Variants in TMEM131L observed in about 807,000 individuals in gnomAD.
The protein encoded by TMEM131L is transmembrane 131 like.
Under a neutral mutation model 192.2 loss-of-function variants are expected in TMEM131L, and 54 were observed. The observed-to-expected ratio is 0.28, with a 90% CI of 0.23 to 0.35. TMEM131L has a LOEUF of 0.35. Ranked by LOEUF, TMEM131L falls within the 10% of genes least tolerant of loss-of-function variation. The pLI is 1.00. For synonymous variants in TMEM131L, 701 were observed against 704.9 expected, an observed-to-expected ratio of 0.99 and a Z score of 0.09; for missense variants, 1,888 against 1,972.9, an observed-to-expected ratio of 0.96 and a Z score of 0.82.
At chr4:153,569,275 C>T (rs142366825) in intron 7 of TMEM131L, among the ~76,000 whole-genome samples, 1 of 152,192 alleles carries the variant, frequency 6.6e-6, no homozygotes, top group Non-Finnish European at 1.5e-5. Flanking sequence ...CCTTCTTGGA[C>T]CTGTTCCTCC....
intron 3 of TMEM131L, among the ~76,000 whole-genome samples, chr4:153,490,871 G>A (rs894521453): frequency 2.0e-5 from 3 of 150,550 alleles, no homozygotes; most frequent in African/African-American, 4.9e-5. Flanking sequence ...GGAGAATGGC[G>A]TGAACCCGGG....
At chr4:153,543,971 A>T (rs1580178108) in intron 3 of TMEM131L, among the ~76,000 whole-genome samples, 1 of 152,210 alleles carries the variant, frequency 6.6e-6, no homozygotes, top group South Asian at 2.1e-4. Context: ...ACCGTGGTCT[A>T]CTTAGTTACC....
intron 3 of TMEM131L, among the ~76,000 whole-genome samples, chr4:153,510,921 G>C (rs1161604570): frequency 2.6e-5 from 4 of 151,688 alleles, no homozygotes; most frequent in Non-Finnish European, 5.9e-5. Flanking sequence ...AAACCGGAAA[G>C]ATGACTTAAT....
At position 153,622,987 on chromosome 4, in the gene TMEM131L, C is replaced by G; in HGVS notation, c.3949C>G (p.Arg1317Gly). 1 of 1,614,078 alleles carries G rather than the reference C, an allele frequency of 6.2e-7. No homozygotes were observed. The highest frequency in any genetic ancestry group is 1.1e-5 in the South Asian group (1 of 91,084). ...CTGTGGGAGCTCCTCTGGCAGCGTGCGTGCCAGCCGGGGCAGCTGGGGGAG... is the reference window on the plus strand; with the variant it reads ...CTGTGGGAGCTCCTCTGGCAGCGTGGGTGCCAGCCGGGGCAGCTGGGGGAG... ...SDCGSSSGSV[R>G]ASRGSWGSWS... is the part of the protein sequence containing the mutation. The change falls in exon 29 of 35, where the codon CGT becomes GGT. Residue 1317 changes from arginine (R) to glycine (G), a missense_variant. Arg to Gly is a moderately radical substitution (Grantham distance 125). Coordinates refer to ENST00000409959, the MANE Select transcript of TMEM131L (RefSeq NM_001131007.2).
At chr4:153,508,678 A>AT (rs555033353) in intron 3 of TMEM131L, among the ~76,000 whole-genome samples, 3,111 of 139,336 alleles carry the variant, frequency 0.022, 95 homozygotes, top group African/African-American at 0.066. Context: ...TTTTTTTTTA[A>AT]TTTTTTTTTT....
chr4:153,598,532 A>G (rs1438276596), intron 20 of TMEM131L, 58 bp from the exon 21 acceptor site: 2 of 1,428,250 alleles, frequency 1.4e-6, no homozygotes, highest in East Asian at 4.7e-5. Context: ...AAATTTAAGT[A>G]CATTGTACCT....
chr4:153,473,532 G>A (rs1261468296), intron 2 of TMEM131L, among the ~76,000 whole-genome samples: 3 of 152,166 alleles, frequency 2.0e-5, no homozygotes, highest in East Asian at 1.9e-4. Flanking sequence ...AGTGGCTCAC[G>A]CCTGTAATCC....
chr4:153,473,531 C>T (rs549904225), intron 2 of TMEM131L, among the ~76,000 whole-genome samples: 65 of 152,250 alleles, frequency 4.3e-4, no homozygotes, highest in African/African-American at 1.4e-3. Flanking sequence ...CAGTGGCTCA[C>T]GCCTGTAATC....
intron 32 of TMEM131L, 97 bp from the exon 33 acceptor site, chr4:153,634,095 A>T: frequency 1.0e-6 from 1 of 998,612 alleles, no homozygotes; most frequent in Non-Finnish European, 1.6e-6. Context: ...GGGAATTCAC[A>T]GTGATTAGGA....
intron 19 of TMEM131L, among the ~76,000 whole-genome samples, chr4:153,595,667 A>G (rs974912131): frequency 6.6e-6 from 1 of 152,018 alleles, no homozygotes; most frequent in African/African-American, 2.4e-5. Context: ...CAAAAAGATA[A>G]AAAGAATTAA....
At chr4:153,629,092 TGCTC>T (rs1734043710) in intron 31 of TMEM131L, among the ~76,000 whole-genome samples, 2 of 152,282 alleles carry the variant, frequency 1.3e-5, no homozygotes, top group African/African-American at 4.8e-5. Flanking sequence ...GTGCCCCACC[TGCTC>T]CTGTGCAGGC....
At chr4:153,530,688 G>C (rs947447669) in intron 3 of TMEM131L, among the ~76,000 whole-genome samples, 2 of 152,118 alleles carry the variant, frequency 1.3e-5, no homozygotes, top group African/African-American at 2.4e-5. Flanking sequence ...GAGTGATTTC[G>C]TCCCACTGTT....
intron 3 of TMEM131L, among the ~76,000 whole-genome samples, chr4:153,490,511 G>A (rs1732691676): frequency 6.6e-6 from 1 of 152,098 alleles, no homozygotes; most frequent in Non-Finnish European, 1.5e-5. Flanking sequence ...GCTGGGAAGG[G>A]GTTTCATTAA....
At chr4:153,501,263 T>C (rs2149992604) in intron 3 of TMEM131L, among the ~76,000 whole-genome samples, 1 of 148,100 alleles carries the variant, frequency 6.8e-6, no homozygotes, top group South Asian at 2.1e-4. Flanking sequence ...TGGAGTGCAG[T>C]GGCGCGATCT....
rs369229141 is a variant in TMEM131L at position 153,581,008 on chromosome 4, CT to C, written c.738+108del. The C allele has an allele frequency of 8.4e-4, 640 of 763,128 alleles. 4 individuals are homozygous for C. Among genetic ancestry groups the C allele is most frequent in the African/African-American group, 2.1e-3 (121 of 56,392 alleles). The allele number at this position is 763,128 out of a possible 1,614,324, so 47.3% of individuals were successfully genotyped here. On this transcript the variant is annotated intron_variant, in intron 8 of 34. Coordinates refer to ENST00000409959, the MANE Select transcript of TMEM131L (RefSeq NM_001131007.2). ...GTGGCTCATGCCTGTAATCCCAGCA[CT>C]TTGGGAGGCCGAGGCGAGTGGATCA...
chr4:153,504,381 G>A (rs1733842395), intron 3 of TMEM131L, among the ~76,000 whole-genome samples: 1 of 142,498 alleles, frequency 7.0e-6, no homozygotes, highest in Non-Finnish European at 1.5e-5. Flanking sequence ...CTGGGTTCAA[G>A]TGGTTGTCCT....
chr4:153,497,894 A>G (rs896902503), intron 3 of TMEM131L, among the ~76,000 whole-genome samples: 6 of 151,294 alleles, frequency 4.0e-5, no homozygotes, highest in South Asian at 2.1e-4. Flanking sequence ...AAAAAAAAAA[A>G]AAAAAGAAAA....
intron 7 of TMEM131L, among the ~76,000 whole-genome samples, chr4:153,565,290 A>G (rs1729117669): frequency 6.6e-6 from 1 of 152,252 alleles, no homozygotes; most frequent in Admixed American, 6.5e-5. Context: ...GTCAATGGGC[A>G]TCTGAGTTGA....
chr4:153,584,010 A>T (rs1730536730), intron 11 of TMEM131L, among the ~76,000 whole-genome samples: 1 of 152,228 alleles, frequency 6.6e-6, no homozygotes. Context: ...TTTAAAATGC[A>T]CATATTTACT....
Sources: gnomAD v4.1 joint callset for allele counts (sites outside exome capture counted in the v4.1 genomes callset) on GRCh38, gnomAD v4.1.1 for gene constraint, MANE v1.5 for transcripts, NCBI Gene and HGNC (gene_info 2026-07-23, HGNC 2026-07-21) for gene names.